The following PTPRG variants were observed in gnomAD, a reference collection of about 807,000 sequenced individuals.
PTPRG encodes receptor-type tyrosine-protein phosphatase gamma.
Under a neutral mutation model 165.3 loss-of-function variants are expected in PTPRG, and 102 were observed. The ratio of observed to expected loss-of-function variants is 0.62; its 90% confidence interval spans 0.53 to 0.73. The LOEUF is 0.73. Among genes scored for constraint, PTPRG ranks in the 30% least tolerant of loss-of-function variants. The pLI is 0.00. For missense variants in PTPRG, 1,866 were observed against 1,861.4 expected, an observed-to-expected ratio of 1.00 and a Z score of -0.05; for synonymous variants, 675 against 669.5, an observed-to-expected ratio of 1.01 and a Z score of -0.13.
At chr3:62,090,227 A>T (rs1247747350) in intron 5 of PTPRG, among the ~76,000 whole-genome samples, 2 of 152,182 alleles carry the variant, frequency 1.3e-5, no homozygotes, top group African/African-American at 4.8e-5. Flanking sequence ...AACACTGTGC[A>T]GCGTATTCCC....
intron 2 of PTPRG, among the ~76,000 whole-genome samples, chr3:61,973,976 GA>G (rs1441498123): frequency 3.3e-5 from 5 of 151,948 alleles, no homozygotes; most frequent in African/African-American, 1.2e-4. Context: ...TACTGTCAGA[GA>G]TTTTTTTTTC....
At chr3:61,817,747 A>T (rs1232629878) in intron 2 of PTPRG, among the ~76,000 whole-genome samples, 1 of 152,152 alleles carries the variant, frequency 6.6e-6, no homozygotes, top group Non-Finnish European at 1.5e-5. Context: ...CCTACTTGGG[A>T]TGTGCATTGA....
At chr3:61,593,721 A>G (rs1414870062) in intron 1 of PTPRG, among the ~76,000 whole-genome samples, 1 of 31,268 alleles carries the variant, frequency 3.2e-5, no homozygotes, top group East Asian at 1.4e-3. Flanking sequence ...AAAAAAAAAA[A>G]AAGAAGAAAA....
intron 2 of PTPRG, among the ~76,000 whole-genome samples, chr3:61,816,588 A>C (rs1011819348): frequency 1.3e-5 from 2 of 152,192 alleles, no homozygotes; most frequent in Non-Finnish European, 2.9e-5. Context: ...CCATCCAGCT[A>C]TCAGATGGTT....
At chr3:61,780,513 T>C (rs2034515464) in intron 2 of PTPRG, among the ~76,000 whole-genome samples, 1 of 152,162 alleles carries the variant, frequency 6.6e-6, no homozygotes, top group South Asian at 2.1e-4. Context: ...TATTTAAAAA[T>C]TGGGGATTTT....
intron 2 of PTPRG, among the ~76,000 whole-genome samples, chr3:61,844,874 C>A (rs967644651): frequency 1.3e-5 from 2 of 152,242 alleles, no homozygotes; most frequent in East Asian, 3.9e-4. Context: ...TTTAAAGGGA[C>A]ATTGAATGGT....
intron 2 of PTPRG, among the ~76,000 whole-genome samples, chr3:61,785,097 A>G (rs2107100227): frequency 6.6e-6 from 1 of 152,332 alleles, no homozygotes; most frequent in East Asian, 1.9e-4. Flanking sequence ...TGCTACAGAA[A>G]TTTCCGTGGC....
intron 13 of PTPRG, among the ~76,000 whole-genome samples, chr3:62,220,972 C>G (rs1700638000): frequency 6.6e-6 from 1 of 152,140 alleles, no homozygotes; most frequent in African/African-American, 2.4e-5. Flanking sequence ...CTAAATGGAT[C>G]ACAGTGACCA....
intron 2 of PTPRG, among the ~76,000 whole-genome samples, chr3:61,859,507 T>C (rs2037201247): frequency 1.3e-5 from 2 of 152,128 alleles, no homozygotes. Context: ...TTTTGTTCCT[T>C]CCTTTGGCTT....
chr3:61,640,521 G>T (rs1702033839), intron 1 of PTPRG, among the ~76,000 whole-genome samples: 1 of 152,156 alleles, frequency 6.6e-6, no homozygotes, highest in Non-Finnish European at 1.5e-5. Flanking sequence ...ATCCCCGTAA[G>T]ACCCCAAAAG....
At chr3:61,797,826 C>G (rs1487541004) in intron 2 of PTPRG, among the ~76,000 whole-genome samples, 4 of 151,742 alleles carry the variant, frequency 2.6e-5, no homozygotes, top group Non-Finnish European at 5.9e-5. Context: ...CCTGGGTTAC[C>G]TGATCCTCAA....
chr3:62,101,399 G>A (rs777659227), intron 5 of PTPRG, among the ~76,000 whole-genome samples: 1 of 152,134 alleles, frequency 6.6e-6, no homozygotes, highest in Admixed American at 6.5e-5. Context: ...GTGTGCATAC[G>A]GAATCTATAC....
In PTPRG at chr3:61,671,597, C is replaced by T. The variant is rs1271767322; in HGVS notation, c.86-77281C>T. On this transcript the variant is annotated intron_variant, in intron 1 of 29. Coordinates refer to ENST00000474889, the MANE Select transcript of PTPRG (RefSeq NM_002841.4). ...TCAATCTTTTCCCCACCTTTCCCCC[C>T]TTTCTATTCCACAAAACCGCCATTG... is the stretch of plus-strand genomic sequence containing the variant. 3.4e-5 allele frequency among the ~76,000 whole-genome samples: 5 copies of T among 148,212 alleles called. No individual in the cohort carries two copies. The South Asian group carries it at 6.6e-4, about 20-fold the overall frequency.
intron 2 of PTPRG, among the ~76,000 whole-genome samples, chr3:61,987,599 T>C (rs538415934): frequency 1.3e-5 from 2 of 152,272 alleles, no homozygotes; most frequent in East Asian, 1.9e-4. Context: ...TGTAATTTTA[T>C]TGTACTGTAA....
At chr3:61,871,423 G>T (rs1218174436) in intron 2 of PTPRG, among the ~76,000 whole-genome samples, 1 of 151,708 alleles carries the variant, frequency 6.6e-6, no homozygotes, top group Admixed American at 6.6e-5. Context: ...GGAGAGATGG[G>T]GTCTTACTGG....
chr3:61,816,013 CTGA>C (rs1317715523), intron 2 of PTPRG, among the ~76,000 whole-genome samples: 2 of 151,890 alleles, frequency 1.3e-5, no homozygotes, highest in Non-Finnish European at 2.9e-5. Flanking sequence ...GATAGCAAAA[CTGA>C]TGACTTTAGG....
rs145562492 is a variant in PTPRG at position 61,685,438 on chromosome 3, T to A, written c.86-63440T>A. On this transcript the variant is annotated intron_variant, in intron 1 of 29. Transcript: ENST00000474889. ...CTGAGTTAGCAGTGCAAGGAATTCA[T>A]TGGGGGTTAGTGCCTGTAGCAGAAG... is the stretch of plus-strand genomic sequence containing the variant. Among the ~76,000 whole-genome samples, 352 of 152,270 alleles carry A rather than the reference T, an allele frequency of 2.3e-3. 1 individual carries two copies. The highest frequency in any genetic ancestry group is 8.2e-3 in the African/African-American group (341 of 41,550).
chr3:62,104,336 CT>C (rs1331120233), intron 5 of PTPRG, among the ~76,000 whole-genome samples: 1 of 152,130 alleles, frequency 6.6e-6, no homozygotes, highest in African/African-American at 2.4e-5. Flanking sequence ...TCTTCTTTTG[CT>C]TTGTTTTGTC....
intron 16 of PTPRG, among the ~76,000 whole-genome samples, chr3:62,260,213 A>C (rs904264600): frequency 6.6e-6 from 1 of 152,222 alleles, no homozygotes; most frequent in African/African-American, 2.4e-5. Context: ...TCAGGCACTA[A>C]GAATGTTACC....
Sources: gnomAD v4.1 joint callset for allele counts (sites outside exome capture counted in the v4.1 genomes callset) on GRCh38, gnomAD v4.1.1 for gene constraint, MANE v1.5 for transcripts, NCBI Gene and HGNC (gene_info 2026-07-23, HGNC 2026-07-21) for gene names.